Variants in ATF3 observed in about 807,000 individuals in gnomAD.
ATF3 encodes the protein cyclic AMP-dependent transcription factor ATF-3.
Under a neutral mutation model 18.4 loss-of-function variants are expected in ATF3, and 10 were observed. The observed-to-expected ratio is 0.54, with a 90% confidence interval of 0.34 to 0.92. ATF3 has a LOEUF of 0.92. Ranked by LOEUF, ATF3 falls within the 40% of genes least tolerant of loss-of-function variation. The pLI, the probability that ATF3 is intolerant of heterozygous loss-of-function variation, is 0.02. For synonymous variants in ATF3, 78 were observed against 87.9 expected (o/e 0.89, Z 0.63); for missense variants, 183 against 222.3 (o/e 0.82, Z 1.12).
intron 1 of ATF3, among the ~76,000 whole-genome samples, chr1:212,611,597 G>A (rs575372441): frequency 6.6e-6 from 1 of 152,290 alleles, no homozygotes; most frequent in African/African-American, 2.4e-5. Flanking sequence ...CAAGAGGTCT[G>A]GGAGGAAGAC....
At chr1:212,574,495 T>A (rs1465726393) in intron 1 of ATF3, among the ~76,000 whole-genome samples, 1 of 152,084 alleles carries the variant, frequency 6.6e-6, no homozygotes, top group East Asian at 1.9e-4. Flanking sequence ...ATTTTGTTTG[T>A]GTTGTCTTTT....
At chr1:212,614,860 T>C (rs1421983088) in intron 1 of ATF3, among the ~76,000 whole-genome samples, 158 bp from the exon 2 acceptor site, 3 of 152,132 alleles carry the variant, frequency 2.0e-5, no homozygotes, top group Non-Finnish European at 4.4e-5. Context: ...TTACTTAAGA[T>C]GAGGATGGCA....
At chr1:212,580,163 A>G (rs945880155) in intron 1 of ATF3, among the ~76,000 whole-genome samples, 4 of 151,976 alleles carry the variant, frequency 2.6e-5, no homozygotes, top group Admixed American at 2.0e-4. Flanking sequence ...TCTCAAAAAA[A>G]AAGAAAGAAA....
intron 1 of ATF3, among the ~76,000 whole-genome samples, chr1:212,584,550 G>A (rs1009199315): frequency 2.0e-5 from 3 of 152,056 alleles, no homozygotes; most frequent in African/African-American, 7.2e-5. Context: ...CAGCCTTTTT[G>A]CTGTCTTCAG....
exon 1 of ATF3, chr1:212,565,477 C>G (rs973867619): frequency 2.0e-5 from 3 of 152,074 alleles, no homozygotes; most frequent in Non-Finnish European, 4.4e-5. Flanking sequence ...GCACCTTGCC[C>G]CAAAATGTGA....
At chr1:212,591,500 C>T (rs1028534153) in intron 1 of ATF3, among the ~76,000 whole-genome samples, 1 of 152,168 alleles carries the variant, frequency 6.6e-6, no homozygotes, top group Non-Finnish European at 1.5e-5. Context: ...TCTTTAGACA[C>T]TCGATGGCCA....
upstream of ATF3, among the ~76,000 whole-genome samples, chr1:212,606,868 C>T (rs1047721715): frequency 1.3e-5 from 2 of 152,206 alleles, no homozygotes; most frequent in African/African-American, 4.8e-5. Flanking sequence ...CGCACTCCAG[C>T]GGGAGGGCGG....
intron 1 of ATF3, among the ~76,000 whole-genome samples, chr1:212,581,760 C>A (rs1184159233): frequency 6.6e-6 from 1 of 152,044 alleles, no homozygotes; most frequent in Non-Finnish European, 1.5e-5. Flanking sequence ...TGTGAAATAT[C>A]TTACACACAG....
intron 1 of ATF3, among the ~76,000 whole-genome samples, chr1:212,610,284 G>C (rs191728841): frequency 3.9e-5 from 6 of 152,212 alleles, no homozygotes; most frequent in Admixed American, 1.3e-4. Flanking sequence ...GAAAAGGAGA[G>C]CCAGAAAATC....
chr1:212,619,754 T>C lies in ATF3; in HGVS notation c.*199T>C. Reference sequence around the variant, plus strand: ...AGAGTGGGTCTTGGACCAGGGCAAGTGCATCTTTGCCTCAACTCCAGGATT... The same window carrying C: ...AGAGTGGGTCTTGGACCAGGGCAAGCGCATCTTTGCCTCAACTCCAGGATT... On this transcript the variant is annotated 3_prime_UTR_variant, in exon 4 of 4. Coordinates refer to ENST00000341491, the MANE Select transcript of ATF3 (RefSeq NM_001674.4). The surrounding 1 kb of genome is among the most constrained non-coding windows in gnomAD (Gnocchi z 4.4). 1 of 615,274 alleles carries C rather than the reference T, an allele frequency of 1.6e-6. No individual in the cohort carries two copies. Among genetic ancestry groups the C allele is most frequent in the Non-Finnish European group, 2.7e-6 (1 of 367,156 alleles). The allele number at this position is 615,274 out of a possible 1,614,324, so 38.1% of individuals were successfully genotyped here. A position where few individuals can be genotyped will look rare whatever the true frequency, so the allele number is the denominator to read the frequency against.
intron 1 of ATF3, among the ~76,000 whole-genome samples, chr1:212,570,889 C>T (rs1430891032): frequency 6.6e-6 from 1 of 152,200 alleles, no homozygotes; most frequent in Non-Finnish European, 1.5e-5. Context: ...AGGCTGTCCC[C>T]AGTTTGGTGC....
intron 1 of ATF3, among the ~76,000 whole-genome samples, chr1:212,588,300 T>C (rs1254197757): frequency 6.6e-6 from 1 of 152,090 alleles, no homozygotes; most frequent in African/African-American, 2.4e-5. Context: ...TAACCCGGCA[T>C]GTTTCCACCA....
chr1:212,607,489 T>A (rs1654670415), upstream of ATF3, among the ~76,000 whole-genome samples: 1 of 152,230 alleles, frequency 6.6e-6, no homozygotes, highest in African/African-American at 2.4e-5. Flanking sequence ...AAATCGTTTT[T>A]AAGGTTCAAA....
intron 1 of ATF3, among the ~76,000 whole-genome samples, chr1:212,576,721 CTTTTTTTTTTT>C (rs57512671): frequency 8.7e-5 from 5 of 57,302 alleles, no homozygotes; most frequent in East Asian, 5.7e-4. Flanking sequence ...CTTTTCTTTT[CTTTTTTTTTTT>C]TTTTTTTTTT....
intron 1 of ATF3, among the ~76,000 whole-genome samples, chr1:212,568,083 C>T (rs1664415540): frequency 6.6e-6 from 1 of 152,186 alleles, no homozygotes; most frequent in South Asian, 2.1e-4. Flanking sequence ...ATAGAAGGTG[C>T]TCAGTAAGTA....
At chr1:212,617,125 C>T (rs899235681) in intron 2 of ATF3, among the ~76,000 whole-genome samples, 3 of 152,150 alleles carry the variant, frequency 2.0e-5, no homozygotes, top group South Asian at 2.1e-4. Flanking sequence ...AAGCTTGGAG[C>T]GTGGTGGTCC....
chr1:212,572,156 T>C (rs1047007964), intron 1 of ATF3, among the ~76,000 whole-genome samples: 9 of 152,228 alleles, frequency 5.9e-5, no homozygotes, highest in African/African-American at 1.9e-4. Flanking sequence ...CTCTTATCGA[T>C]ACTTGCTTTT....
At chr1:212,590,028 C>A (rs1664852665) in intron 1 of ATF3, among the ~76,000 whole-genome samples, 2 of 152,110 alleles carry the variant, frequency 1.3e-5, no homozygotes, top group South Asian at 4.2e-4. Flanking sequence ...ATAGGATGTA[C>A]TTAAGCAGTA....
chr1:212,573,410 A>G (rs1315017781), intron 1 of ATF3, among the ~76,000 whole-genome samples: 2 of 151,978 alleles, frequency 1.3e-5, no homozygotes, highest in East Asian at 1.9e-4. Flanking sequence ...ATACTATTGG[A>G]TTTTAAAGAT....
Sources: gnomAD v4.1 joint callset for allele counts (sites outside exome capture counted in the v4.1 genomes callset) on GRCh38, gnomAD v4.1.1 for gene constraint, Gnocchi (gnomAD v3.1) non-coding constraint, MANE v1.5 for transcripts, NCBI Gene and HGNC (gene_info 2026-07-23, HGNC 2026-07-21) for gene names.